Variants in LRRC27 observed in about 807,000 individuals in gnomAD.
The protein encoded by LRRC27 is leucine-rich repeat-containing protein 27.
Under a neutral mutation model 55.0 loss-of-function variants are expected in LRRC27, and 57 were observed. The observed-to-expected ratio is 1.04, with a 90% confidence interval of 0.84 to 1.29. LRRC27 has a LOEUF of 1.29. Among genes scored for constraint, LRRC27 ranks in the 50% most tolerant of loss-of-function variants. The pLI is 0.00. For missense variants in LRRC27, 721 were observed against 651.5 expected (o/e 1.11, Z -1.16); for synonymous variants, 278 against 251.9 (o/e 1.10, Z -0.98).
chr10:132,331,105 G>A (rs891208159), upstream of LRRC27, among the ~76,000 whole-genome samples: 8 of 149,430 alleles, frequency 5.4e-5, no homozygotes, highest in Non-Finnish European at 1.5e-5. Flanking sequence ...GGAGGCTGAG[G>A]CAGGAGAATT....
chr10:132,340,951 C>T (rs766425876), intron 3 of LRRC27, among the ~76,000 whole-genome samples: 3 of 150,282 alleles, frequency 2.0e-5, no homozygotes, highest in Non-Finnish European at 4.4e-5. Context: ...ATTGTCTAAA[C>T]CTTAAGTAAT....
At chr10:132,354,451 C>T (rs1018438467) in intron 7 of LRRC27, among the ~76,000 whole-genome samples, 1 of 152,206 alleles carries the variant, frequency 6.6e-6, no homozygotes, top group Non-Finnish European at 1.5e-5. Context: ...GGGCCAGCAC[C>T]ACACATGGTG....
rs902830059 is a variant in LRRC27, at chr10:132,376,914, T to C, written c.*1672T>C. ...CATGAACATGTGTTTTCTTCTTAGT[T>C]ATGTGAGTTTTTGCTATACGTGTTT... is the stretch of plus-strand genomic sequence containing the variant. On this transcript the variant is annotated 3_prime_UTR_variant, in exon 11 of 11. Coordinates refer to ENST00000368614, the MANE Select transcript of LRRC27 (RefSeq NM_030626.3). The C allele has an allele frequency of 6.6e-6, 1 of 152,266 alleles. No individual in the cohort carries two copies. Among genetic ancestry groups the C allele is most frequent in the East Asian group, 1.9e-4 (1 of 5,200 alleles). 9.4% of individuals were successfully genotyped at this position (152,266 alleles called of 1,614,324 possible). A position where few individuals can be genotyped will look rare whatever the true frequency, so the allele number is the denominator to read the frequency against.
Position 132,375,375 on chromosome 10 carries a change from C to G in LRRC27, c.*133C>G. ...ACCCTGAGGGCTGATTTCGCGCAGC[C>G]TGTTGTTTTCCTTAGACAGGTCCAC... is the stretch of plus-strand genomic sequence containing the variant. On this transcript the variant is annotated 3_prime_UTR_variant, in exon 11 of 11. Coordinates refer to ENST00000368614, the MANE Select transcript of LRRC27 (RefSeq NM_030626.3). The G allele has an allele frequency of 1.3e-6, 1 of 745,304 alleles. No individual in the cohort carries two copies. The highest frequency in any genetic ancestry group is 1.9e-5 in the South Asian group (1 of 53,274). 46.2% of individuals were successfully genotyped at this position (745,304 alleles called of 1,614,324 possible). A position where few individuals can be genotyped will look rare whatever the true frequency, so the allele number is the denominator to read the frequency against.
intron 8 of LRRC27, among the ~76,000 whole-genome samples, chr10:132,361,051 G>A (rs566039321): frequency 2.0e-5 from 3 of 152,344 alleles, no homozygotes; most frequent in African/African-American, 7.2e-5. Context: ...CCCTGGTTCT[G>A]GCACTGAAGC....
intron 1 of LRRC27, among the ~76,000 whole-genome samples, chr10:132,333,184 G>T (rs914994310): frequency 1.3e-5 from 2 of 152,282 alleles, no homozygotes; most frequent in East Asian, 3.9e-4. Flanking sequence ...GCTTTGAAAT[G>T]TTCCGATCTG....
intron 10 of LRRC27, among the ~76,000 whole-genome samples, chr10:132,370,848 G>C (rs1049824751): frequency 6.6e-6 from 1 of 152,226 alleles, no homozygotes; most frequent in Non-Finnish European, 1.5e-5. Context: ...AGACTCAGTA[G>C]GGAACCTATT....
chr10:132,355,081 T>C (rs2068247190), intron 7 of LRRC27, among the ~76,000 whole-genome samples: 1 of 152,100 alleles, frequency 6.6e-6, no homozygotes, highest in Non-Finnish European at 1.5e-5. Context: ...CTTGTCTTGT[T>C]TTGTTTTGTT....
intron 9 of LRRC27, among the ~76,000 whole-genome samples, chr10:132,364,522 C>CCCACCCACAA (rs2068890886): frequency 8.4e-6 from 1 of 118,656 alleles, no homozygotes; most frequent in African/African-American, 3.4e-5. Context: ...CACACTCGCA[C>CCCACCCACAA]TTACACCCAC....
chr10:132,369,653 C>A (rs2069170828), intron 10 of LRRC27, among the ~76,000 whole-genome samples: 1 of 152,180 alleles, frequency 6.6e-6, no homozygotes, highest in Non-Finnish European at 1.5e-5. Flanking sequence ...TTTGTCTAAA[C>A]CCCACAGACT....
chr10:132,337,857 A>G (rs112768826), intron 3 of LRRC27, among the ~76,000 whole-genome samples, 162 bp downstream of exon 3: 3 of 152,208 alleles, frequency 2.0e-5, no homozygotes, highest in South Asian at 4.1e-4. Context: ...GGCTGAATGT[A>G]CCCAACACAG....
chr10:132,365,221 C>A (rs2069008481), intron 9 of LRRC27, among the ~76,000 whole-genome samples: 1 of 152,230 alleles, frequency 6.6e-6, no homozygotes, highest in Non-Finnish European at 1.5e-5. Flanking sequence ...GCAGCCCAGG[C>A]CCCCCGGCGT....
chr10:132,360,484 AAG>A (rs1271662970), intron 8 of LRRC27, among the ~76,000 whole-genome samples: 1 of 152,194 alleles, frequency 6.6e-6, no homozygotes, highest in African/African-American at 2.4e-5. Flanking sequence ...TCAGTCAGCC[AAG>A]AGTTTCCTCT....
At chr10:132,356,000 G>A (rs2068293866) in intron 8 of LRRC27, 114 bp downstream of exon 8, 3 of 700,162 alleles carry the variant, frequency 4.3e-6, no homozygotes, top group Admixed American at 2.1e-5. Context: ...GTGGGTGGGT[G>A]CTCACACGCA....
At chr10:132,331,858 T>C (rs2066771023), upstream of LRRC27, 6 of 1,404,970 alleles carry the variant, frequency 4.3e-6, no homozygotes, top group South Asian at 2.6e-5. Flanking sequence ...ATGCTACCGT[T>C]GGCCGCGTGC....
intron 9 of LRRC27, 51 bp from the exon 10 acceptor site, chr10:132,365,373 G>A (rs573111608): frequency 3.7e-5 from 59 of 1,605,800 alleles, no homozygotes; most frequent in East Asian, 4.5e-5. Flanking sequence ...GAGTTGCTAG[G>A]ATGAGAGTAA....
At chr10:132,366,294 T>C (rs2069075579) in intron 10 of LRRC27, 1 of 152,800 alleles carries the variant, frequency 6.5e-6, no homozygotes, top group Non-Finnish European at 1.5e-5. Flanking sequence ...TCGGTGTCTA[T>C]GTAGGGAGGC....
chr10:132,372,923 T>C lies in LRRC27; in HGVS notation c.1417-2143T>C, dbSNP rs562033928. Among the ~76,000 whole-genome samples the C allele has an allele frequency of 6.6e-6, 1 of 151,856 alleles. No individual in the cohort carries two copies. The highest frequency in any genetic ancestry group is 2.4e-5 in the African/African-American group (1 of 41,446). On this transcript the variant is annotated intron_variant, in intron 10 of 10. Transcript: ENST00000368614. The surrounding 1 kb of genome is among the most constrained non-coding windows in gnomAD (Gnocchi z 4.0). Reference sequence around the variant, plus strand: ...CCGATCTCAGCCTCGTTCCAGGGCCTCAGTCACGAGAGGTTCCTCAGCTGT... The same window carrying C: ...CCGATCTCAGCCTCGTTCCAGGGCCCCAGTCACGAGAGGTTCCTCAGCTGT...
At chr10:132,355,596 G>A (rs895417767) in intron 7 of LRRC27, among the ~76,000 whole-genome samples, 194 bp from the exon 8 acceptor site, 4 of 152,210 alleles carry the variant, frequency 2.6e-5, no homozygotes, top group African/African-American at 4.8e-5. Context: ...GATAGAACCC[G>A]GCATTCCCGG....
Sources: gnomAD v4.1 joint callset for allele counts (sites outside exome capture counted in the v4.1 genomes callset) on GRCh38, gnomAD v4.1.1 for gene constraint, Gnocchi (gnomAD v3.1) non-coding constraint, MANE v1.5 for transcripts, NCBI Gene and HGNC (gene_info 2026-07-23, HGNC 2026-07-21) for gene names.